IL13RA1: variants seen among roughly 807,000 people sequenced by gnomAD.
The protein encoded by IL13RA1 is interleukin-13 receptor subunit alpha-1.
A neutral mutation model predicts 33.8 loss-of-function variants in IL13RA1; 14 were observed. That is an observed-to-expected ratio of 0.41 (90% CI 0.27 to 0.65). IL13RA1 has a LOEUF of 0.65. Ranked by LOEUF, IL13RA1 falls within the 30% of genes least tolerant of loss-of-function variation. The pLI, the probability that IL13RA1 is intolerant of heterozygous loss-of-function variation, is 0.28. For missense variants in IL13RA1, 313 were observed against 327.0 expected (o/e 0.96, Z 0.33); for synonymous variants, 116 against 115.7 (o/e 1.00, Z -0.02).
chrX:118,754,962 T>C (rs1254442739), intron 4 of IL13RA1, among the ~76,000 whole-genome samples: 1 of 102,007 alleles, frequency 9.8e-6, no homozygotes, highest in East Asian at 3.0e-4. Flanking sequence ...CTTTTTTTTT[T>C]TTTTGGAGAC....
At chrX:118,754,960 T>C (rs1257296252) in intron 4 of IL13RA1, among the ~76,000 whole-genome samples, 2 of 101,170 alleles carry the variant, frequency 2.0e-5, no homozygotes, top group African/African-American at 7.3e-5. Flanking sequence ...TTCTTTTTTT[T>C]TTTTTTGGAG....
intron 10 of IL13RA1, among the ~76,000 whole-genome samples, chrX:118,785,064 T>G (rs1168490859): frequency 9.0e-6 from 1 of 110,957 alleles, no homozygotes; most frequent in African/African-American, 3.3e-5. Flanking sequence ...CTTACAGATT[T>G]TAGTTATTCT....
At chrX:118,763,983 G>A (rs2017618505) in intron 6 of IL13RA1, among the ~76,000 whole-genome samples, 2 of 110,796 alleles carry the variant, frequency 1.8e-5, no homozygotes, top group Admixed American at 1.9e-4. Context: ...AGTTTTTTGT[G>A]TGCTCACAGA....
At chrX:118,768,142 A>G (rs1179798638) in intron 8 of IL13RA1, among the ~76,000 whole-genome samples, 2 of 112,305 alleles carry the variant, frequency 1.8e-5, no homozygotes, top group Admixed American at 1.9e-4. Flanking sequence ...AACCAACTTA[A>G]GAACTTTTTA....
rs138094119 is a variant in IL13RA1, at chrX:118,741,947, G to C, written c.228+791G>C. On this transcript the variant is annotated intron_variant, in intron 2 of 10. Coordinates refer to ENST00000371666, the MANE Select transcript of IL13RA1 (RefSeq NM_001560.3). Reference sequence around the variant, plus strand: ...CAAGTTCAGGCAGCTTTGGTGGCAGGAAGTCAGGAGAACTAGCTTCTGATT... The same window carrying C: ...CAAGTTCAGGCAGCTTTGGTGGCAGCAAGTCAGGAGAACTAGCTTCTGATT... 6.2e-4 allele frequency among the ~76,000 whole-genome samples: 69 copies of C among 110,927 alleles called. No individual in the cohort carries two copies. The East Asian group carries it at 0.014, about 22-fold the overall frequency.
chrX:118,737,354 A>G (rs1259438402), intron 1 of IL13RA1, among the ~76,000 whole-genome samples: 1 of 112,455 alleles, frequency 8.9e-6, no homozygotes, highest in Non-Finnish European at 1.9e-5. Flanking sequence ...CAAGCCTTCA[A>G]TGTAAGTGTT....
chrX:118,747,208 G>C (rs2017415549), intron 3 of IL13RA1, 116 bp downstream of exon 3: 1 of 468,609 alleles, frequency 2.1e-6, no homozygotes, highest in Admixed American at 3.6e-5. Flanking sequence ...AGTCTAATAA[G>C]TGCCAGGCAT....
At chrX:118,752,711 C>T (rs1409684299) in intron 4 of IL13RA1, among the ~76,000 whole-genome samples, 1 of 112,209 alleles carries the variant, frequency 8.9e-6, no homozygotes, top group Non-Finnish European at 1.9e-5. Flanking sequence ...GTAGGTATTC[C>T]ATAAATAAGT....
At chrX:118,742,184 T>C (rs745583601) in intron 2 of IL13RA1, among the ~76,000 whole-genome samples, 1 of 112,366 alleles carries the variant, frequency 8.9e-6, no homozygotes, top group East Asian at 2.8e-4. Context: ...CTCTCCCTTG[T>C]CCTGCTGAGG....
downstream of IL13RA1, among the ~76,000 whole-genome samples, chrX:118,797,597 A>G (rs990190915): frequency 4.5e-5 from 5 of 112,323 alleles, no homozygotes. Context: ...ACCTGTGGCT[A>G]TGTAACTTTA....
chrX:118,773,849 A>G (rs376042069), intron 8 of IL13RA1, 30 bp from the exon 9 acceptor site: 18 of 683,753 alleles, frequency 2.6e-5, no homozygotes, highest in Middle Eastern at 2.9e-4. Context: ...TTTATTTCTC[A>G]AGTCTTTCTG....
chrX:118,735,065 A>C (rs2017266082), intron 1 of IL13RA1, among the ~76,000 whole-genome samples: 1 of 110,612 alleles, frequency 9.0e-6, no homozygotes. Context: ...CCAATTTGTT[A>C]GTGTACGGTT....
At chrX:118,799,206 G>A (rs946575754), downstream of IL13RA1, among the ~76,000 whole-genome samples, 9 of 113,258 alleles carry the variant, frequency 7.9e-5, no homozygotes, top group Admixed American at 1.8e-4. Context: ...GGCAGGGCTC[G>A]GGACCTGCAG....
intron 8 of IL13RA1, chrX:118,769,758 C>T (rs2248874): frequency 0.17 from 19,269 of 115,476 alleles, 1,470 homozygotes; most frequent in East Asian, 0.4. Context: ...GGAGGCCTCC[C>T]GTGGCTGGGC....
intron 1 of IL13RA1, 25 bp from the exon 2 acceptor site, chrX:118,740,990 ATT>A: frequency 1.2e-5 from 12 of 1,019,240 alleles, no homozygotes; most frequent in Non-Finnish European, 1.7e-5. Flanking sequence ...TGATAAATTC[ATT>A]TTTTTTTGTC....
chrX:118,795,303 A>G (rs953878766), downstream of IL13RA1, among the ~76,000 whole-genome samples: 1 of 111,232 alleles, frequency 9.0e-6, no homozygotes, highest in African/African-American at 3.3e-5. Context: ...TATTTTCTAT[A>G]ACTACAGCAA....
rs1394483453 is a variant in IL13RA1, at chrX:118,741,159, A to G, written c.228+3A>G. 4 of 1,127,116 alleles carry G rather than the reference A, an allele frequency of 3.5e-6. No individual in the cohort carries two copies. In the Admixed American group the frequency reaches 6.6e-5, roughly 19 times the overall value. The allele number at this position is 1,127,116 out of a possible 1,213,427, so 92.9% of individuals were successfully genotyped here. ...ATTTTGGCGACAAACAAGATAAGGTAAGTTTTCTGCAACATGTTACATTGA... is the reference window on the plus strand; with the variant it reads ...ATTTTGGCGACAAACAAGATAAGGTGAGTTTTCTGCAACATGTTACATTGA... On this transcript the variant is annotated splice_donor_region_variant and intron_variant, in intron 2 of 10. Transcript: ENST00000371666.
chrX:118,761,112 A>G (rs959007640), intron 5 of IL13RA1, 26 bp from the exon 6 acceptor site: 1 of 826,860 alleles, frequency 1.2e-6, no homozygotes, highest in Non-Finnish European at 1.7e-6. Flanking sequence ...TTGGAAGCTT[A>G]CTTGTGTTCT....
chrX:118,790,707 T>A (rs2017966098), intron 10 of IL13RA1, among the ~76,000 whole-genome samples: 1 of 111,991 alleles, frequency 8.9e-6, no homozygotes, highest in Non-Finnish European at 1.9e-5. Flanking sequence ...ATAATTTGTT[T>A]AGAATAATTT....
Sources: allele counts gnomAD v4.1 joint callset (sites outside exome capture counted in the v4.1 genomes callset), GRCh38; gene constraint gnomAD v4.1.1; transcripts MANE v1.5; gene names NCBI Gene and HGNC (gene_info 2026-07-23, HGNC 2026-07-21).